Variants in AHCTF1 observed in about 807,000 individuals in gnomAD.
The protein encoded by AHCTF1 is protein ELYS.
A neutral mutation model predicts 248.4 loss-of-function variants in AHCTF1; 24 were observed. That is an observed-to-expected ratio of 0.10 (90% CI 0.07 to 0.14). The LOEUF is 0.14. Among genes scored for constraint, AHCTF1 ranks in the 10% least tolerant of loss-of-function variants. AHCTF1 has a pLI of 1.00. For missense variants in AHCTF1, 2,206 were observed against 2,636.2 expected, an observed-to-expected ratio of 0.84 and a Z score of 3.57; for synonymous variants, 786 against 929.8, an observed-to-expected ratio of 0.85 and a Z score of 2.81.
rs149784740 is a variant in AHCTF1, at chr1:246,924,463, A to T, written c.-7-6086T>A. On this transcript the variant is annotated intron_variant, in intron 1 of 35. Coordinates refer to ENST00000648844, the MANE Select transcript of AHCTF1 (RefSeq NM_001323342.2). Reference sequence around the variant, plus strand: ...GGATTTCTTATAAAATCAATAATTAAAGAATTTTAAAACATATATATATAA... The same window carrying T: ...GGATTTCTTATAAAATCAATAATTATAGAATTTTAAAACATATATATATAA... Among the ~76,000 whole-genome samples the T allele has an allele frequency of 1.2e-3, 189 of 152,090 alleles. 4 individuals are homozygous for T. In the East Asian group the frequency reaches 0.029, roughly 23 times the overall value.
intron 1 of AHCTF1, among the ~76,000 whole-genome samples, chr1:246,927,034 A>T (rs189375706): frequency 1.3e-5 from 2 of 151,552 alleles, no homozygotes; most frequent in East Asian, 2.0e-4. Flanking sequence ...CAAAATTAGC[A>T]GGGCGTGGTG....
chr1:246,901,495 G>A (rs1192773364), intron 8 of AHCTF1, among the ~76,000 whole-genome samples: 1 of 152,172 alleles, frequency 6.6e-6, no homozygotes, highest in Non-Finnish European at 1.5e-5. Context: ...ATGGTGGCGG[G>A]TGCTTGTAGC....
intron 21 of AHCTF1, among the ~76,000 whole-genome samples, chr1:246,878,396 CAAAA>C (rs1199465751): frequency 8.9e-3 from 274 of 30,726 alleles, no homozygotes; most frequent in South Asian, 0.035. Flanking sequence ...GATTCTGTCT[CAAAA>C]AAAAAAAAAA....
At chr1:246,922,879 A>T (rs1666656504) in intron 1 of AHCTF1, among the ~76,000 whole-genome samples, 1 of 148,886 alleles carries the variant, frequency 6.7e-6, no homozygotes, top group Non-Finnish European at 1.5e-5. Flanking sequence ...GCTACTCGGG[A>T]GGCTGAGGCA....
intron 1 of AHCTF1, chr1:246,931,045 A>C: frequency 6.8e-7 from 1 of 1,468,984 alleles, no homozygotes; most frequent in South Asian, 1.3e-5. Context: ...TTTATTTTAA[A>C]TCTCCTTGAT....
Position 246,850,148 on chromosome 1 carries a change from T to C in AHCTF1, c.5858A>G (p.Asn1953Ser), listed in dbSNP as rs1253324414. ...VSPSDVREDSNLESSQLTVQA... is the reference protein window; with the variant it reads ...VSPSDVREDSSLESSQLTVQA... ...AACAGTCAACTGAGATGACTCAAGG[T>C]TGGAGTCTTCTCTCACATCTGATGG... Residue 1953 changes from asparagine (N) to serine (S), a missense_variant, in exon 33 of 36, where the codon AAC becomes AGC. Physicochemically the swap from Asn to Ser is conservative, Grantham distance 46. Coordinates refer to ENST00000648844, the MANE Select transcript of AHCTF1 (RefSeq NM_001323342.2). The C allele has an allele frequency of 6.8e-6, 11 of 1,613,848 alleles. 1 individual carries two copies. The highest frequency in any genetic ancestry group is 3.3e-5 in the Admixed American group (2 of 59,994).
At chr1:246,854,697 T>C (rs1390275624) in intron 31 of AHCTF1, among the ~76,000 whole-genome samples, 1 of 152,148 alleles carries the variant, frequency 6.6e-6, no homozygotes, top group Non-Finnish European at 1.5e-5. Context: ...CTGACAACTC[T>C]AGGAAATGGG....
At chr1:246,906,582 C>A (rs1220467418) in intron 5 of AHCTF1, among the ~76,000 whole-genome samples, 3 of 151,290 alleles carry the variant, frequency 2.0e-5, no homozygotes, top group South Asian at 2.1e-4. Flanking sequence ...ACCCCACCCC[C>A]CAAAAAAATA....
intron 26 of AHCTF1, among the ~76,000 whole-genome samples, chr1:246,866,664 G>A (rs1273372152): frequency 1.3e-5 from 2 of 151,750 alleles, no homozygotes; most frequent in Non-Finnish European, 2.9e-5. Flanking sequence ...AATTTCCAAA[G>A]ATCCTGGGCA....
intron 13 of AHCTF1, among the ~76,000 whole-genome samples, chr1:246,895,181 T>C (rs1410723591): frequency 2.0e-5 from 3 of 152,174 alleles, no homozygotes; most frequent in African/African-American, 2.4e-5. Context: ...ACCCTCTAAA[T>C]TGAAATAAAG....
At position 246,846,909 on chromosome 1, in the gene AHCTF1, T is replaced by C. The variant is rs910413326; in HGVS notation, c.6391+2706A>G. ...TGGGACTACAGGTGCAGCCACCACATGCCCAAATCATTAAAAATTTTTCTT... is the reference window on the plus strand; with the variant it reads ...TGGGACTACAGGTGCAGCCACCACACGCCCAAATCATTAAAAATTTTTCTT... On this transcript the variant is annotated intron_variant, in intron 33 of 35. Transcript: ENST00000648844. 2.6e-5 allele frequency among the ~76,000 whole-genome samples: 4 copies of C among 151,730 alleles called. No homozygotes were observed. The East Asian group carries it at 7.9e-4, about 30-fold the overall frequency.
chr1:246,908,599 A>T (rs1329867101), intron 4 of AHCTF1, among the ~76,000 whole-genome samples: 1 of 152,004 alleles, frequency 6.6e-6, no homozygotes, highest in Non-Finnish European at 1.5e-5. Context: ...CTTATCCAAG[A>T]ATCTTAGGCC....
intron 31 of AHCTF1, 64 bp from the exon 32 acceptor site, chr1:246,853,363 C>G: frequency 7.3e-7 from 1 of 1,377,130 alleles, no homozygotes; most frequent in Non-Finnish European, 1.0e-6. Context: ...CACAAGGAAG[C>G]AAACAGAAAG....
chr1:246,883,190 A>T (rs961615294), intron 21 of AHCTF1, among the ~76,000 whole-genome samples: 1 of 152,190 alleles, frequency 6.6e-6, no homozygotes, highest in Non-Finnish European at 1.5e-5. Context: ...TTAAATATTA[A>T]AACTTTTTCA....
chr1:246,900,104 G>T lies in AHCTF1; in HGVS notation c.1393C>A (p.Pro465Thr). 1.2e-6 allele frequency: 2 copies of T among 1,606,474 alleles called. No individual in the cohort carries two copies. The highest frequency in any genetic ancestry group is 1.7e-6 in the Non-Finnish European group (2 of 1,178,698). The change falls in exon 10 of 36, where the codon CCT (proline) becomes ACT (threonine). Residue 465 changes from proline (P) to threonine (T), a missense_variant. Pro to Thr is a conservative substitution (Grantham distance 38, BLOSUM62 -1). This residue lies in a region of AHCTF1 where 650 missense variants were observed against 870.8 expected (regional missense o/e 0.75). Coordinates refer to ENST00000648844, the MANE Select transcript of AHCTF1 (RefSeq NM_001323342.2). ...LNRGVPPSYP[P>T]PEQFFNPSTY... is the part of the protein sequence containing the mutation. ...CTTGGATTAAAAAACTGCTCGGGAGGTGGATATGAAGGAGGGACTCCTCTA... is the reference window on the plus strand; with the variant it reads ...CTTGGATTAAAAAACTGCTCGGGAGTTGGATATGAAGGAGGGACTCCTCTA...
At chr1:246,885,915 G>A (rs888759841) in intron 20 of AHCTF1, among the ~76,000 whole-genome samples, 6 of 152,160 alleles carry the variant, frequency 3.9e-5, no homozygotes, top group East Asian at 1.9e-4. Flanking sequence ...GGCTGGGCAC[G>A]GTGGCTCACG....
chr1:246,848,209 T>C (rs565270121), intron 33 of AHCTF1, among the ~76,000 whole-genome samples: 85 of 152,212 alleles, frequency 5.6e-4, no homozygotes, highest in Non-Finnish European at 9.7e-4. Flanking sequence ...ACTGTATCAG[T>C]ACAACAAGTC....
At chr1:246,903,658 C>CCG (rs1665166461) in intron 7 of AHCTF1, among the ~76,000 whole-genome samples, 1 of 117,516 alleles carries the variant, frequency 8.5e-6, no homozygotes, top group South Asian at 2.6e-4. Flanking sequence ...TGAGACCCCC[C>CCG]CCCCTCCGTC....
rs375048035 is a variant in AHCTF1, at chr1:246,918,261, T to G, written c.110A>C (p.Lys37Thr). The change falls in exon 2 of 36, where the codon AAG becomes ACG. Residue 37 changes from lysine to threonine, a missense_variant. Transcript: ENST00000648844. Reference sequence around the variant, plus strand: ...GACATTATGTTTACCTGCAGCAAACTTTCCACGAAGCACAGATTCTAATGT... The same window carrying G: ...GACATTATGTTTACCTGCAGCAAACGTTCCACGAAGCACAGATTCTAATGT... ...EITLESVLRG[K>T]FAAGKNGLAC... The G allele has an allele frequency of 6.3e-5, 102 of 1,606,722 alleles. No individual in the cohort carries two copies. In the East Asian group the frequency reaches 1.4e-3, roughly 22 times the overall value.
Sources: allele counts gnomAD v4.1 joint callset (sites outside exome capture counted in the v4.1 genomes callset), GRCh38; gene constraint gnomAD v4.1.1; regional missense constraint gnomAD v4.1.1; transcripts MANE v1.5; gene names NCBI Gene and HGNC (gene_info 2026-07-23, HGNC 2026-07-21).